PAF1: variants seen among roughly 807,000 people sequenced by gnomAD.
The protein encoded by PAF1 is RNA polymerase II-associated factor 1 homolog.
In PAF1, 31 loss-of-function variants were observed where a neutral mutation model predicts 68.4. The ratio of observed to expected loss-of-function variants is 0.45; its 90% CI spans 0.34 to 0.61. PAF1 has a LOEUF of 0.61. Ranked by LOEUF, PAF1 falls within the 20% of genes least tolerant of loss-of-function variation. The pLI is 0.01. For synonymous variants in PAF1, 256 were observed against 240.5 expected (o/e 1.06, Z -0.60); for missense variants, 435 against 692.9 (o/e 0.63, Z 4.18).
At position 39,386,839 on chromosome 19, in the gene PAF1, A is replaced by G. The variant is rs774975937; in HGVS notation, c.987-40T>C. ...TTTGGGAGAGAGAAGTGGAAGATGC[A>G]GTTAAAGACACACCTCCCACTTCCC... On this transcript the variant is annotated intron_variant, in intron 11 of 13. Coordinates refer to ENST00000221265, the MANE Select transcript of PAF1 (RefSeq NM_019088.4). The surrounding 1 kb of genome is among the most constrained non-coding windows in gnomAD (Gnocchi z 6.1). 2 of 1,389,394 alleles carry G rather than the reference A, an allele frequency of 1.4e-6. No individual in the cohort carries two copies. Among genetic ancestry groups the G allele is most frequent in the African/African-American group, 2.8e-5 (2 of 70,642 alleles). 86.1% of individuals were successfully genotyped at this position (1,389,394 alleles called of 1,614,324 possible). A position where few individuals can be genotyped will look rare whatever the true frequency, so the allele number is the denominator to read the frequency against.
Position 39,389,378 on chromosome 19 carries a change from T to G in PAF1, c.365A>C (p.Gln122Pro), listed in dbSNP as rs751838604. 1 of 1,614,076 alleles carries G rather than the reference T, an allele frequency of 6.2e-7. No homozygotes were observed. Among genetic ancestry groups the G allele is most frequent in the East Asian group, 2.2e-5 (1 of 44,886 alleles). ...IQAPTSSKRSQQHAKVVPWMR... is the reference protein window; with the variant it reads ...IQAPTSSKRSPQHAKVVPWMR... ...CCATGGCACCACCTTCGCGTGCTGC[T>G]GGGATCTGGGGTGGGAAATCAGGTA... is the stretch of plus-strand genomic sequence containing the variant. Residue 122 changes from glutamine (Q) to proline (P), a missense_variant, in exon 6 of 14, where the codon CAG becomes CCG. Gln to Pro is a moderately conservative substitution (Grantham distance 76). Coordinates refer to ENST00000221265, the MANE Select transcript of PAF1 (RefSeq NM_019088.4). This position sits in a 1 kb window ranked among gnomAD's most constrained non-coding sequence, Gnocchi z 5.3.
At chr19:39,387,307 C>T in intron 11 of PAF1, 1 of 293,584 alleles carries the variant, frequency 3.4e-6, no homozygotes, top group Non-Finnish European at 7.3e-6. Flanking sequence ...GGTATTCTAT[C>T]TTAAGGGACC....
chr19:39,388,266 A>G (rs1452793954), intron 11 of PAF1, 73 bp downstream of exon 11: 27 of 1,489,760 alleles, frequency 1.8e-5, no homozygotes, highest in East Asian at 4.5e-5. Context: ...ATGACCTCCA[A>G]GGTGGCTCTT....
In PAF1 at chr19:39,387,104, G is replaced by A. The variant is rs1568372969; in HGVS notation, c.987-305C>T. On this transcript the variant is annotated intron_variant, in intron 11 of 13. Coordinates refer to ENST00000221265, the MANE Select transcript of PAF1 (RefSeq NM_019088.4). ...GGACACATTCTGAGATATACATCATGTGAACATCATACAGTACTCTTACAC... is the reference window on the plus strand; with the variant it reads ...GGACACATTCTGAGATATACATCATATGAACATCATACAGTACTCTTACAC... 1.0e-5 allele frequency: 5 copies of A among 489,728 alleles called. No homozygotes were observed. The East Asian group carries it at 2.0e-4, about 19-fold the overall frequency. 30.3% of individuals were successfully genotyped at this position (489,728 alleles called of 1,614,324 possible). A position where few individuals can be genotyped will look rare whatever the true frequency, so the allele number is the denominator to read the frequency against.
In PAF1 at chr19:39,386,088, G is replaced by C. The variant is rs763176309; in HGVS notation, c.1499C>G (p.Ala500Gly). The stretch of plus-strand genomic sequence containing the variant: ...CTCGCTGCCACTGGGGAAGGGACTG[G>C]CGCTGCGGCTGTGGCTCCGGCTCCG... Reference protein sequence around the residue: ...GQRSRSHSRSASPFPSGSEHS... With the variant: ...GQRSRSHSRSGSPFPSGSEHS... Residue 500 changes from alanine to glycine, a missense_variant, in exon 14 of 14, where the codon GCC becomes GGC. Transcript: ENST00000221265. The surrounding 1 kb of genome is among the most constrained non-coding windows in gnomAD (Gnocchi z 6.1). 13 of 1,613,908 alleles carry C rather than the reference G, an allele frequency of 8.1e-6. No homozygotes were observed. The Admixed American group carries it at 2.0e-4, about 25-fold the overall frequency.
chr19:39,388,191 C>A, intron 11 of PAF1, 148 bp downstream of exon 11: 1 of 757,974 alleles, frequency 1.3e-6, no homozygotes, highest in Non-Finnish European at 2.2e-6. Flanking sequence ...AAGTCCAGCT[C>A]ATGTGCATGA....
In PAF1 at chr19:39,391,068, A is replaced by C. The variant is rs2078368855; in HGVS notation, c.-204T>G. 1.6e-6 allele frequency: 1 copy of C among 631,094 alleles called. No individual in the cohort carries two copies. Among genetic ancestry groups the C allele is most frequent in the Non-Finnish European group, 2.7e-6 (1 of 367,282 alleles). 39.1% of individuals were successfully genotyped at this position (631,094 alleles called of 1,614,324 possible). On this transcript the variant is annotated 5_prime_UTR_variant, in exon 1 of 14. Coordinates refer to ENST00000221265, the MANE Select transcript of PAF1 (RefSeq NM_019088.4). ...AACGCGCAGGCAGCACCGGGGACGG[A>C]CTCGAAGCTCCGGTTCCACCAACTG...
In PAF1 at chr19:39,389,431, G is replaced by C; in HGVS notation, c.360-48C>G. The C allele has an allele frequency of 2.5e-6, 4 of 1,611,998 alleles. No homozygotes were observed. Among genetic ancestry groups the C allele is most frequent in the Non-Finnish European group, 3.4e-6 (4 of 1,178,116 alleles). On this transcript the variant is annotated intron_variant, in intron 5 of 13. Transcript: ENST00000221265. This position sits in a 1 kb window ranked among gnomAD's most constrained non-coding sequence, Gnocchi z 5.3. ...TCAGGACCCCACTGCCCTCCTGCTT[G>C]TAGGGCCCACCTGAGCCAGTCTCCA...
rs922076348 is a variant in PAF1, at chr19:39,387,052, T to A, written c.987-253A>T. ...GTGTGTGTTATACGGTGTATTTACA[T>A]AAATACGGGCATGGGCCATTTAACA... On this transcript the variant is annotated intron_variant, in intron 11 of 13. Coordinates refer to ENST00000221265, the MANE Select transcript of PAF1 (RefSeq NM_019088.4). 30 of 567,266 alleles carry A rather than the reference T, an allele frequency of 5.3e-5. 1 individual carries two copies. In the South Asian group the frequency reaches 5.8e-4, roughly 11 times the overall value. The allele number at this position is 567,266 out of a possible 1,614,324, so 35.1% of individuals were successfully genotyped here.
chr19:39,385,714 T>C lies in PAF1; in HGVS notation c.*277A>G. On this transcript the variant is annotated 3_prime_UTR_variant, in exon 14 of 14. Coordinates refer to ENST00000221265, the MANE Select transcript of PAF1 (RefSeq NM_019088.4). Reference sequence around the variant, plus strand: ...AAAAAAAACGAATTCTGACCTTCGTTGTGCTACATTTTGTGGGAAACCATT... The same window carrying C: ...AAAAAAAACGAATTCTGACCTTCGTCGTGCTACATTTTGTGGGAAACCATT... 3.7e-6 allele frequency: 2 copies of C among 533,566 alleles called. No homozygotes were observed. The highest frequency in any genetic ancestry group is 7.2e-5 in the Admixed American group (2 of 27,754). The allele number at this position is 533,566 out of a possible 1,614,324, so 33.1% of individuals were successfully genotyped here. A position where few individuals can be genotyped will look rare whatever the true frequency, so the allele number is the denominator to read the frequency against.
At position 39,385,851 on chromosome 19, in the gene PAF1, G is replaced by GT. The variant is rs2078234244; in HGVS notation, c.*139dup. ...GACATCATAGGGGCTGGGAGGGGAA[G>GT]TAAAGAGAAGTTGACTTTATTAACA... On this transcript the variant is annotated 3_prime_UTR_variant, in exon 14 of 14. Transcript: ENST00000221265. The GT allele has an allele frequency of 1.6e-6, 2 of 1,276,514 alleles. No homozygotes were observed. The highest frequency in any genetic ancestry group is 2.1e-6 in the Non-Finnish European group (2 of 936,996). The allele number at this position is 1,276,514 out of a possible 1,614,324, so 79.1% of individuals were successfully genotyped here. A position where few individuals can be genotyped will look rare whatever the true frequency, so the allele number is the denominator to read the frequency against.
chr19:39,390,893 G>T lies in PAF1; in HGVS notation c.-29C>A. ...GACGAGGCGACGGCAGCCCGGACGG[G>T]GTCCTAGCGGGACCGAAGGGGGACG... On this transcript the variant is annotated 5_prime_UTR_variant, in exon 1 of 14. Coordinates refer to ENST00000221265, the MANE Select transcript of PAF1 (RefSeq NM_019088.4). The T allele has an allele frequency of 1.3e-6, 2 of 1,565,186 alleles. No homozygotes were observed. The highest frequency in any genetic ancestry group is 1.4e-5 in the African/African-American group (1 of 73,978).
At position 39,386,019 on chromosome 19, in the gene PAF1, G is replaced by A. The variant is rs1568371757; in HGVS notation, c.1568C>T (p.Ser523Phe). 1 of 1,613,508 alleles carries A rather than the reference G, an allele frequency of 6.2e-7. No homozygotes were observed. The highest frequency in any genetic ancestry group is 8.5e-7 in the Non-Finnish European group (1 of 1,179,714). ...EDGSEAAASD[S>F]SEADSDSD ...GTCACTGTCACTATCAGCTTCACTG[G>A]AATCAGAAGCTGCAGCTTCACTGCC... Residue 523 changes from serine (S) to phenylalanine (F), a missense_variant, in exon 14 of 14, where the codon TCC becomes TTC. This residue lies in a region of PAF1 where 83 missense variants were observed against 99.9 expected (regional missense o/e 0.83). Transcript: ENST00000221265. This position sits in a 1 kb window ranked among gnomAD's most constrained non-coding sequence, Gnocchi z 6.1.
Position 39,389,104 on chromosome 19 carries a change from C to T in PAF1, c.556G>A (p.Ala186Thr), listed in dbSNP as rs1301031928. ...AGTCCCTCAATTACTGATTTCTGGG[C>T]ATCCTCAAAAGTCTTCTCAATGGCT... ...ITAIEKTFED[A>T]QKSISQHYSK... is the part of the protein sequence containing the mutation. The change falls in exon 7 of 14, where the codon GCC becomes ACC. Residue 186 changes from alanine to threonine, a missense_variant. This residue lies in a region of PAF1 where 151 missense variants were observed against 306.3 expected (regional missense o/e 0.49). Coordinates refer to ENST00000221265, the MANE Select transcript of PAF1 (RefSeq NM_019088.4). The surrounding 1 kb of genome is among the most constrained non-coding windows in gnomAD (Gnocchi z 5.3). The T allele has an allele frequency of 6.2e-7, 1 of 1,613,822 alleles. No homozygotes were observed. The highest frequency in any genetic ancestry group is 8.5e-7 in the Non-Finnish European group (1 of 1,179,702).
At position 39,388,759 on chromosome 19, in the gene PAF1, T is replaced by C. The variant is rs746282027; in HGVS notation, c.740+3A>G. Reference sequence around the variant, plus strand: ...GGCCAAGGTGGACAGCAGGACCACCTACCTAATCATGGCCTGAGACATCAT... The same window carrying C: ...GGCCAAGGTGGACAGCAGGACCACCCACCTAATCATGGCCTGAGACATCAT... On this transcript the variant is annotated splice_donor_region_variant and intron_variant, in intron 9 of 13. Transcript: ENST00000221265. 1.2e-6 allele frequency: 2 copies of C among 1,612,616 alleles called. No homozygotes were observed. Among genetic ancestry groups the C allele is most frequent in the Admixed American group, 1.7e-5 (1 of 60,026 alleles).
intron 2 of PAF1, 49 bp downstream of exon 2, chr19:39,390,211 T>C (rs751438287): frequency 2.7e-5 from 43 of 1,612,676 alleles, no homozygotes; most frequent in Non-Finnish European, 3.6e-5. Context: ...CCACCTCTGC[T>C]CCCAGCCCCA....
At position 39,389,251 on chromosome 19, in the gene PAF1, C is replaced by T; in HGVS notation, c.461+31G>A. Reference sequence around the variant, plus strand: ...GGCCACTGGACACACCTAATATCTCCACCTTCCCTCTCTTCCTGTTAGTAA... The same window carrying T: ...GGCCACTGGACACACCTAATATCTCTACCTTCCCTCTCTTCCTGTTAGTAA... On this transcript the variant is annotated intron_variant, in intron 6 of 13. Transcript: ENST00000221265. This position sits in a 1 kb window ranked among gnomAD's most constrained non-coding sequence, Gnocchi z 5.3. 2 of 1,609,356 alleles carry T rather than the reference C, an allele frequency of 1.2e-6. No individual in the cohort carries two copies. Among genetic ancestry groups the T allele is most frequent in the Non-Finnish European group, 1.7e-6 (2 of 1,175,608 alleles).
rs1224931429 is a variant in PAF1 at position 39,388,771 on chromosome 19, G to A, written c.731C>T (p.Ala244Val). The change falls in exon 9 of 14, where the codon GCC becomes GTC. Residue 244 changes from alanine (A) to valine (V), a missense_variant. Ala to Val is a moderately conservative substitution (Grantham distance 64, BLOSUM62 0). Transcript: ENST00000221265. Reference sequence around the variant, plus strand: ...CAGCAGGACCACCTACCTAATCATGGCCTGAGACATCATCTCCAACGCAGC... The same window carrying A: ...CAGCAGGACCACCTACCTAATCATGACCTGAGACATCATCTCCAACGCAGC... ...GAAALEMMSQ[A>V]MIRGMMDEEG... 6.2e-7 allele frequency: 1 copy of A among 1,613,710 alleles called. No individual in the cohort carries two copies. The highest frequency in any genetic ancestry group is 1.7e-5 in the Admixed American group (1 of 60,014).
intron 11 of PAF1, chr19:39,387,075 A>C (rs552666065): frequency 3.7e-6 from 2 of 535,822 alleles, no homozygotes; most frequent in Non-Finnish European, 6.9e-6. Context: ...GGGCCATTTA[A>C]CAGGGACACA....
Sources: allele counts gnomAD v4.1 joint callset, GRCh38; gene constraint gnomAD v4.1.1; regional missense constraint gnomAD v4.1.1; non-coding constraint Gnocchi (gnomAD v3.1); transcripts MANE v1.5; gene names NCBI Gene and HGNC (gene_info 2026-07-23, HGNC 2026-07-21).